The following HEATR4 variants were observed in gnomAD, a reference collection of about 807,000 sequenced individuals.
The protein encoded by HEATR4 is HEAT repeat containing 4.
In HEATR4, 95 loss-of-function variants were observed where a neutral mutation model predicts 108.8. The ratio of observed to expected loss-of-function variants is 0.87; its 90% confidence interval spans 0.74 to 1.04. The LOEUF is 1.04. HEATR4 is among the 50% of genes least tolerant of loss of function. The pLI is 0.00. For synonymous variants in HEATR4, 443 were observed against 459.4 expected, an observed-to-expected ratio of 0.96 and a Z score of 0.46; for missense variants, 1,152 against 1,253.8, an observed-to-expected ratio of 0.92 and a Z score of 1.23.
At chr14:73,512,721 C>A (rs1429018247) in intron 6 of HEATR4, among the ~76,000 whole-genome samples, 1 of 152,178 alleles carries the variant, frequency 6.6e-6, no homozygotes, top group Non-Finnish European at 1.5e-5. Context: ...TTCCATTTGG[C>A]TTTCAACATC....
intron 17 of HEATR4, among the ~76,000 whole-genome samples, chr14:73,485,180 T>TAAAGA (rs1167451909): frequency 1.3e-5 from 2 of 151,824 alleles, no homozygotes; most frequent in East Asian, 1.9e-4. Context: ...GAAAAAAGAA[T>TAAAGA]AAAGAAAAGA....
intron 5 of HEATR4, among the ~76,000 whole-genome samples, chr14:73,515,553 G>A (rs912416352): frequency 6.6e-5 from 10 of 151,518 alleles, no homozygotes; most frequent in South Asian, 2.1e-4. Flanking sequence ...GGTGGTGGGC[G>A]CCTGTAATCC....
At chr14:73,605,571 T>A in the HEATR4 span, among the ~76,000 whole-genome samples, 1 of 130,500 alleles carries the variant, frequency 7.7e-6, no homozygotes, top group Admixed American at 7.8e-5. Flanking sequence ...TTTTTTTTTT[T>A]TTTTTTTTTT....
intron 17 of HEATR4, among the ~76,000 whole-genome samples, chr14:73,490,573 G>C (rs1185216205): frequency 1.3e-5 from 2 of 151,996 alleles, no homozygotes; most frequent in African/African-American, 4.8e-5. Flanking sequence ...CGCCCGCCTC[G>C]GCCTCCCAAA....
chr14:73,569,223 C>A, the HEATR4 span: 2 of 1,611,798 alleles, frequency 1.2e-6, no homozygotes, highest in Non-Finnish European at 1.7e-6. Flanking sequence ...GCTTAGCCTG[C>A]GACGGCAGCC....
the HEATR4 span, among the ~76,000 whole-genome samples, chr14:73,610,335 G>T: frequency 2.7e-5 from 4 of 145,858 alleles, no homozygotes; most frequent in Admixed American, 2.8e-4. Flanking sequence ...CTGTCGCTCA[G>T]GCTGGAGAGC....
At chr14:73,560,413 C>T (rs1163855581), upstream of HEATR4, among the ~76,000 whole-genome samples, 1 of 152,054 alleles carries the variant, frequency 6.6e-6, no homozygotes, top group Non-Finnish European at 1.5e-5. Context: ...CCCATAATCC[C>T]AGCACTTTGG....
intron 17 of HEATR4, chr14:73,491,893 C>G: frequency 1.2e-6 from 2 of 1,611,732 alleles, no homozygotes; most frequent in Non-Finnish European, 1.7e-6. Flanking sequence ...TGTACCAGGC[C>G]GGCTGCTCCC....
chr14:73,496,724 T>C (rs754714177), intron 14 of HEATR4, 45 bp from the exon 15 acceptor site: 4 of 1,031,038 alleles, frequency 3.9e-6, no homozygotes, highest in Middle Eastern at 2.3e-4. Context: ...CCCTGCCCTT[T>C]AAAAAAGTAT....
chr14:73,572,033 C>G, the HEATR4 span, among the ~76,000 whole-genome samples: 2 of 150,924 alleles, frequency 1.3e-5, no homozygotes, highest in Non-Finnish European at 3.0e-5. Context: ...AATTGCTGAC[C>G]AGTATGTGGA....
intron 17 of HEATR4, chr14:73,491,787 A>T: frequency 6.3e-7 from 1 of 1,584,254 alleles, no homozygotes; most frequent in Non-Finnish European, 8.6e-7. Flanking sequence ...GAGGAGGTGC[A>T]GTTCGGCCAG....
At position 73,522,491 on chromosome 14, in the gene HEATR4, T is replaced by C. The variant is rs762853615; in HGVS notation, c.662A>G (p.Lys221Arg). 4.3e-6 allele frequency: 7 copies of C among 1,614,106 alleles called. No individual in the cohort carries two copies. The African/African-American group carries it at 5.3e-5, about 12-fold the overall frequency. The change falls in exon 3 of 18, where the codon AAG becomes AGG. Residue 221 changes from lysine (K) to arginine (R), a missense_variant. Coordinates refer to ENST00000553558, the MANE Select transcript of HEATR4 (RefSeq NM_001220484.1). ...GGATGCCCCAGGCCTTCGAGGACGC[T>C]TGCTCTGGATCCATCGGGCTGTGCG... ...NERTARWIQS[K>R]RPRRPGASPN...
intron 4 of HEATR4, among the ~76,000 whole-genome samples, chr14:73,519,606 AC>A (rs1308843132): frequency 6.6e-6 from 1 of 152,082 alleles, no homozygotes; most frequent in Non-Finnish European, 1.5e-5. Flanking sequence ...TTAGCTGGGT[AC>A]AGCTACTCGG....
chr14:73,590,104 G>A, the HEATR4 span, among the ~76,000 whole-genome samples: 1 of 152,126 alleles, frequency 6.6e-6, no homozygotes, highest in South Asian at 2.1e-4. Context: ...ACCCCAACAA[G>A]TTGCCACTGC....
chr14:73,631,181 T>C, the HEATR4 span, among the ~76,000 whole-genome samples: 16 of 152,196 alleles, frequency 1.1e-4, no homozygotes, highest in Non-Finnish European at 1.9e-4. Context: ...TTTATATACA[T>C]ACCCCTCTTC....
At position 73,512,059 on chromosome 14, in the gene HEATR4, CAT is replaced by C. The variant is rs753242820; in HGVS notation, c.1503_1504del (p.Ala503HisfsTer37). 8.7e-6 allele frequency: 14 copies of C among 1,614,110 alleles called. No individual in the cohort carries two copies. The highest frequency in any genetic ancestry group is 1.3e-5 in the African/African-American group (1 of 75,020). Reference sequence around the variant, plus strand: ...GGGCCGTTCCAAAGCAGCTGTGGCACATGTGGTGATAGCTTTGATCCGAACGT... The same window carrying C: ...GGGCCGTTCCAAAGCAGCTGTGGCACGTGGTGATAGCTTTGATCCGAACGT... On this transcript the variant is annotated frameshift_variant, in exon 7 of 18. Transcript: ENST00000553558. LOFTEE classifies it high-confidence loss of function.
chr14:73,479,439 CT>C (rs71112760), intron 17 of HEATR4, among the ~76,000 whole-genome samples: 28,252 of 106,264 alleles, frequency 0.27, 2,758 homozygotes, highest in Middle Eastern at 0.3. Context: ...TTCTTTCTTT[CT>C]TTTTTTTTTT....
At chr14:73,490,204 C>G (rs1885624627) in intron 17 of HEATR4, among the ~76,000 whole-genome samples, 2 of 152,238 alleles carry the variant, frequency 1.3e-5, no homozygotes, top group Admixed American at 1.3e-4. Flanking sequence ...CGGCTCACTG[C>G]AACCTCCACC....
In HEATR4 at chr14:73,558,285, A is replaced by G. The variant is rs541491880; in HGVS notation, c.-152+466T>C. 2.1e-3 allele frequency among the ~76,000 whole-genome samples: 295 copies of G among 140,572 alleles called. 23 individuals are homozygous for G. Among genetic ancestry groups the G allele is most frequent in the African/African-American group, 7.3e-3 (274 of 37,368 alleles). 92.2% of individuals were successfully genotyped at this position (140,572 alleles called of 152,430 possible). A position where few individuals can be genotyped will look rare whatever the true frequency, so the allele number is the denominator to read the frequency against. On this transcript the variant is annotated intron_variant, in intron 1 of 17. Coordinates refer to ENST00000553558, the MANE Select transcript of HEATR4 (RefSeq NM_001220484.1). ...CCCCTCTACTTTCTAATTTTTTACC[A>G]TGCACTCACACAGCTATACAGCTAT...
Sources: allele counts gnomAD v4.1 joint callset (sites outside exome capture counted in the v4.1 genomes callset), GRCh38; gene constraint gnomAD v4.1.1; transcripts MANE v1.5; gene names NCBI Gene and HGNC (gene_info 2026-07-23, HGNC 2026-07-21).